The following GEMIN7 variants were observed in gnomAD, a reference collection of about 807,000 sequenced individuals.
GEMIN7 encodes the protein gem nuclear organelle associated protein 7.
GEMIN7 carries 7 observed loss-of-function variants against 7.8 expected under a neutral mutation model. The ratio of observed to expected loss-of-function variants is 0.90; its 90% confidence interval spans 0.51 to 1.69. GEMIN7 has a LOEUF of 1.69. Among genes scored for constraint, GEMIN7 ranks in the 40% most tolerant of loss-of-function variants. The pLI is 0.00. For synonymous variants in GEMIN7, 68 were observed against 72.4 expected (o/e 0.94, Z 0.31); for missense variants, 159 against 176.2 (o/e 0.90, Z 0.55).
rs1444332559 is a variant in GEMIN7 at position 45,090,823 on chromosome 19, CA to C, written c.*314del. 1.0e-5 allele frequency: 3 copies of C among 291,022 alleles called. No individual in the cohort carries two copies. The highest frequency in any genetic ancestry group is 6.5e-5 in the African/African-American group (3 of 46,368). The allele number at this position is 291,022 out of a possible 1,614,324, so 18.0% of individuals were successfully genotyped here. On this transcript the variant is annotated 3_prime_UTR_variant, in exon 3 of 3. Coordinates refer to ENST00000270257, the MANE Select transcript of GEMIN7 (RefSeq NM_024707.3). Reference sequence around the variant, plus strand: ...GGGGTGATAAAGGATACAACCTGCACAGGGGGAAGTTATTAAAGAGGCTGCA... The same window carrying C: ...GGGGTGATAAAGGATACAACCTGCACGGGGGAAGTTATTAAAGAGGCTGCA...
At chr19:45,082,637 G>A (rs996313895) in intron 2 of GEMIN7, among the ~76,000 whole-genome samples, 6 of 151,180 alleles carry the variant, frequency 4.0e-5, no homozygotes, top group African/African-American at 1.5e-4. Context: ...TTTTTTTTGA[G>A]ACAGGGTCTC....
chr19:45,091,208 G>A lies in GEMIN7; in HGVS notation c.*698G>A, dbSNP rs948709945. ...TCCTCCTGTTGCCCCACCTGTGGTT[G>A]CTGTGGACTGCACACGACAGCAGAT... is the stretch of plus-strand genomic sequence containing the variant. On this transcript the variant is annotated 3_prime_UTR_variant, in exon 3 of 3. Coordinates refer to ENST00000270257, the MANE Select transcript of GEMIN7 (RefSeq NM_024707.3). 1.8e-5 allele frequency: 3 copies of A among 167,210 alleles called. No individual in the cohort carries two copies. The highest frequency in any genetic ancestry group is 7.2e-5 in the African/African-American group (3 of 41,474). 10.4% of individuals were successfully genotyped at this position (167,210 alleles called of 1,614,324 possible).
upstream of GEMIN7, among the ~76,000 whole-genome samples, chr19:45,078,546 C>T (rs191387896): frequency 7.9e-5 from 12 of 152,276 alleles, no homozygotes; most frequent in Admixed American, 7.2e-4. Context: ...AACCCCTACT[C>T]GTTCATAGTT....
upstream of GEMIN7, among the ~76,000 whole-genome samples, chr19:45,077,638 C>T (rs917542565): frequency 6.6e-6 from 1 of 152,118 alleles, no homozygotes; most frequent in Non-Finnish European, 1.5e-5. Flanking sequence ...CATTGTTATT[C>T]AGGTCTGGGT....
In GEMIN7 at chr19:45,090,031, G is replaced by T. The variant is rs76007960; in HGVS notation, c.-8-76G>T. 0.15 allele frequency: 214,072 copies of T among 1,458,362 alleles called. 17,428 individuals are homozygous for T. The highest frequency in any genetic ancestry group is 0.17 in the Middle Eastern group (954 of 5,528). 90.3% of individuals were successfully genotyped at this position (1,458,362 alleles called of 1,614,324 possible). ...GGAGCTGCCTGGTAGACCAGCCTCT[G>T]CTTCCACTCCTCCCTCCTCCATTAG... is the stretch of plus-strand genomic sequence containing the variant. On this transcript the variant is annotated intron_variant, in intron 2 of 2. Coordinates refer to ENST00000270257, the MANE Select transcript of GEMIN7 (RefSeq NM_024707.3).
chr19:45,090,438 G>C lies in GEMIN7; in HGVS notation c.324G>C (p.Gln108His). 6.2e-7 allele frequency: 1 copy of C among 1,614,066 alleles called. No individual in the cohort carries two copies. Among genetic ancestry groups the C allele is most frequent in the South Asian group, 1.1e-5 (1 of 91,084 alleles). ...DVANFYVSQL[Q>H]TPIGVQAEAL... Reference sequence around the variant, plus strand: ...CCAACTTCTACGTGTCACAGCTGCAGACTCCCATAGGTGTGCAAGCAGAGG... The same window carrying C: ...CCAACTTCTACGTGTCACAGCTGCACACTCCCATAGGTGTGCAAGCAGAGG... Residue 108 changes from glutamine (Q) to histidine (H), a missense_variant, in exon 3 of 3, where the codon CAG (glutamine) becomes CAC (histidine). Gln to His is a conservative substitution (Grantham distance 24, BLOSUM62 0). Transcript: ENST00000270257.
chr19:45,076,003 C>A (rs1967339882), upstream of GEMIN7: 2 of 1,567,704 alleles, frequency 1.3e-6, no homozygotes, highest in Non-Finnish European at 1.7e-6. This position sits in a 1 kb window ranked among gnomAD's most constrained non-coding sequence, Gnocchi z 4.9. Flanking sequence ...GCGAGGGGCC[C>A]ATGCCCAAAG....
At chr19:45,083,494 T>C (rs923150323) in intron 2 of GEMIN7, among the ~76,000 whole-genome samples, 9 of 151,770 alleles carry the variant, frequency 5.9e-5, no homozygotes, top group African/African-American at 1.7e-4. Context: ...CCTATGGGCA[T>C]GTGAGATCAG....
At chr19:45,076,486 C>G (rs1967358377), upstream of GEMIN7, 3 of 792,774 alleles carry the variant, frequency 3.8e-6, no homozygotes, top group African/African-American at 1.8e-5. This position sits in a 1 kb window ranked among gnomAD's most constrained non-coding sequence, Gnocchi z 4.9. Context: ...ACTGCGGCGA[C>G]CCGCCGCGAA....
intron 1 of GEMIN7, among the ~76,000 whole-genome samples, 181 bp from the exon 2 acceptor site, chr19:45,079,726 C>T (rs1256393737): frequency 6.6e-6 from 1 of 151,804 alleles, no homozygotes; most frequent in Non-Finnish European, 1.5e-5. Flanking sequence ...GTGGTCAGGG[C>T]GGAATTGAAA....
intron 2 of GEMIN7, 174 bp from the exon 3 acceptor site, chr19:45,089,933 G>A (rs1967833988): frequency 1.6e-6 from 1 of 631,208 alleles, no homozygotes; most frequent in Non-Finnish European, 2.7e-6. Flanking sequence ...TGACACTTTT[G>A]TTTCTGATCC....
chr19:45,080,760 TTTTTG>T (rs1377803682), intron 2 of GEMIN7, among the ~76,000 whole-genome samples: 8 of 144,908 alleles, frequency 5.5e-5, no homozygotes, highest in South Asian at 2.2e-4. Flanking sequence ...TCTCCCTTGT[TTTTTG>T]TTTTTTTTTT....
chr19:45,089,645 T>C (rs1432585021), intron 2 of GEMIN7, among the ~76,000 whole-genome samples: 3 of 152,142 alleles, frequency 2.0e-5, no homozygotes, highest in Non-Finnish European at 2.9e-5. Flanking sequence ...CAACTAATCC[T>C]TCTCCCTCAG....
Position 45,081,512 on chromosome 19 carries a change from C to T in GEMIN7, c.-9+1483C>T, listed in dbSNP as rs367737502. Among the ~76,000 whole-genome samples the T allele has an allele frequency of 2.3e-4, 29 of 127,634 alleles. No individual in the cohort carries two copies. The East Asian group carries it at 5.9e-3, about 26-fold the overall frequency. 83.7% of individuals were successfully genotyped at this position (127,634 alleles called of 152,430 possible). ...TATCCCTTAATTCCATTCACGTGGT[C>T]TTCCCTGTCAGGAAAAAAAAAAAAA... On this transcript the variant is annotated intron_variant, in intron 2 of 2. Coordinates refer to ENST00000270257, the MANE Select transcript of GEMIN7 (RefSeq NM_024707.3).
chr19:45,076,131 G>A, upstream of GEMIN7: 1 of 1,558,024 alleles, frequency 6.4e-7, no homozygotes, highest in Non-Finnish European at 8.6e-7. This position sits in a 1 kb window ranked among gnomAD's most constrained non-coding sequence, Gnocchi z 4.9. Flanking sequence ...GCGGGCCGAG[G>A]GCGAGGAGGG....
chr19:45,078,640 C>A (rs968973914), upstream of GEMIN7, among the ~76,000 whole-genome samples: 4 of 152,100 alleles, frequency 2.6e-5, no homozygotes, highest in Admixed American at 6.5e-5. Context: ...AAATTGTGTA[C>A]CTGGCACTAG....
intron 2 of GEMIN7, among the ~76,000 whole-genome samples, chr19:45,080,809 C>T (rs1600133032): frequency 7.5e-6 from 1 of 133,122 alleles, no homozygotes; most frequent in Admixed American, 7.9e-5. Context: ...AGGCCCTATA[C>T]TGGCCCTCCC....
At chr19:45,084,222 A>AG (rs1245641095) in intron 2 of GEMIN7, among the ~76,000 whole-genome samples, 1 of 149,000 alleles carries the variant, frequency 6.7e-6, no homozygotes, top group African/African-American at 2.5e-5. Flanking sequence ...ACAAAAAAAA[A>AG]AAAAAAAAAA....
chr19:45,076,349 C>A, upstream of GEMIN7: 1 of 1,353,590 alleles, frequency 7.4e-7, no homozygotes, highest in Non-Finnish European at 9.5e-7. The surrounding 1 kb of genome is among the most constrained non-coding windows in gnomAD (Gnocchi z 4.9). Flanking sequence ...CGGCGGGGCG[C>A]GCTGCCGGCC....
Sources: allele counts gnomAD v4.1 joint callset (sites outside exome capture counted in the v4.1 genomes callset), GRCh38; gene constraint gnomAD v4.1.1; non-coding constraint Gnocchi (gnomAD v3.1); transcripts MANE v1.5; gene names NCBI Gene and HGNC (gene_info 2026-07-23, HGNC 2026-07-21).